Variants in SEPTIN2 observed in about 807,000 individuals in gnomAD.
SEPTIN2 encodes septin-2.
Under a neutral mutation model 46.5 loss-of-function variants are expected in SEPTIN2, and 34 were observed. That is an observed-to-expected ratio of 0.73 (90% CI 0.56 to 0.97). The LOEUF (loss-of-function observed/expected upper bound fraction) is 0.97. Ranked by LOEUF, SEPTIN2 falls within the 50% of genes least tolerant of loss-of-function variation. The pLI is 0.00. For missense variants in SEPTIN2, 347 were observed against 448.4 expected, an observed-to-expected ratio of 0.77 and a Z score of 2.04; for synonymous variants, 175 against 153.4, an observed-to-expected ratio of 1.14 and a Z score of -1.04.
Position 241,346,528 on chromosome 2 carries a change from T to A in SEPTIN2, c.926+279T>A, listed in dbSNP as rs1316062446. 5 of 188,054 alleles carry A rather than the reference T, an allele frequency of 2.7e-5. No individual in the cohort carries two copies. In the East Asian group the frequency reaches 6.5e-4, roughly 25 times the overall value. 11.6% of individuals were successfully genotyped at this position (188,054 alleles called of 1,614,324 possible). A position where few individuals can be genotyped will look rare whatever the true frequency, so the allele number is the denominator to read the frequency against. On this transcript the variant is annotated intron_variant, in intron 10 of 12. Coordinates refer to ENST00000391971, the MANE Select transcript of SEPTIN2 (RefSeq NM_004404.5). ...CTTGGGAGACCAAGGCAAGGTAGAT[T>A]GCCTGAGCGCAGGAGTTTTGAGACC...
intron 7 of SEPTIN2, among the ~76,000 whole-genome samples, chr2:241,341,560 C>T (rs1163730667): frequency 6.6e-6 from 1 of 152,086 alleles, no homozygotes; most frequent in East Asian, 1.9e-4. Flanking sequence ...TCAGTTTCTC[C>T]CAGAGATAAG....
intron 3 of SEPTIN2, among the ~76,000 whole-genome samples, chr2:241,327,308 A>G (rs964528186): frequency 2.0e-5 from 3 of 152,054 alleles, no homozygotes. Flanking sequence ...TGGAACTTCT[A>G]AAGATTAAGA....
rs149450138 is a variant in SEPTIN2 at position 241,335,406 on chromosome 2, G to A, written c.217+194G>A. The A allele has an allele frequency of 8.0e-5, 116 of 1,457,326 alleles. 1 individual carries two copies. In the East Asian group the frequency reaches 2.5e-3, roughly 32 times the overall value. 90.3% of individuals were successfully genotyped at this position (1,457,326 alleles called of 1,614,324 possible). A position where few individuals can be genotyped will look rare whatever the true frequency, so the allele number is the denominator to read the frequency against. ...TTGGGTTGTAGACTTTCTTTGACAC[G>A]TATCCATGGATCCATCCTCTCTTGA... On this transcript the variant is annotated intron_variant, in intron 4 of 12. Transcript: ENST00000391971.
chr2:241,342,889 C>G, intron 7 of SEPTIN2, 103 bp from the exon 8 acceptor site: 3 of 668,232 alleles, frequency 4.5e-6, no homozygotes, highest in Non-Finnish European at 8.0e-6. Flanking sequence ...TGATTATTGA[C>G]ATTTGTATGA....
rs2060852481 is a variant in SEPTIN2, at chr2:241,352,311, C to T, written c.*374C>T. Reference sequence around the variant, plus strand: ...ATTGATGAGCACTCCTGATTTTTATCTAGAACATTCAGATTTACCATAATG... The same window carrying T: ...ATTGATGAGCACTCCTGATTTTTATTTAGAACATTCAGATTTACCATAATG... On this transcript the variant is annotated 3_prime_UTR_variant, in exon 13 of 13. Coordinates refer to ENST00000391971, the MANE Select transcript of SEPTIN2 (RefSeq NM_004404.5). 1 of 152,584 alleles carries T rather than the reference C, an allele frequency of 6.6e-6. No individual in the cohort carries two copies. The highest frequency in any genetic ancestry group is 1.5e-5 in the Non-Finnish European group (1 of 68,026). 9.5% of individuals were successfully genotyped at this position (152,584 alleles called of 1,614,324 possible).
chr2:241,328,400 TTAGTC>T, intron 3 of SEPTIN2, among the ~76,000 whole-genome samples: 1 of 148,150 alleles, frequency 6.7e-6, no homozygotes, highest in East Asian at 2.0e-4. Context: ...CCACAGCACT[TTAGTC>T]TGGCGACAGA....
chr2:241,322,936 T>C lies in SEPTIN2; in HGVS notation c.-17-1280T>C, dbSNP rs559653284. Among the ~76,000 whole-genome samples the C allele has an allele frequency of 3.3e-5, 5 of 152,284 alleles. No homozygotes were observed. The East Asian group carries it at 9.6e-4, about 29-fold the overall frequency. On this transcript the variant is annotated intron_variant, in intron 1 of 12. Transcript: ENST00000391971. Reference sequence around the variant, plus strand: ...ATTTGTGTCCCTAGTGTCTAACATATAGTCAGTACTGAAAAAAAATTTGAA... The same window carrying C: ...ATTTGTGTCCCTAGTGTCTAACATACAGTCAGTACTGAAAAAAAATTTGAA...
intron 7 of SEPTIN2, among the ~76,000 whole-genome samples, chr2:241,338,282 C>T (rs1471481815): frequency 6.6e-6 from 1 of 152,090 alleles, no homozygotes; most frequent in Non-Finnish European, 1.5e-5. Context: ...CCGTGTATGT[C>T]TGTAAAGCCT....
intron 3 of SEPTIN2, among the ~76,000 whole-genome samples, chr2:241,333,408 A>G (rs1172369629): frequency 6.6e-6 from 1 of 152,212 alleles, no homozygotes; most frequent in Non-Finnish European, 1.5e-5. Context: ...TTTTACACTC[A>G]TATTTAGGCA....
chr2:241,333,113 CAA>C (rs1005111108), intron 3 of SEPTIN2, among the ~76,000 whole-genome samples: 1 of 152,134 alleles, frequency 6.6e-6, no homozygotes, highest in African/African-American at 2.4e-5. Flanking sequence ...AATCGTGCCT[CAA>C]AGTGGCTTTA....
At chr2:241,336,138 T>C in intron 5 of SEPTIN2, 40 bp downstream of exon 5, 1 of 1,591,800 alleles carries the variant, frequency 6.3e-7, no homozygotes, top group Non-Finnish European at 8.6e-7. Flanking sequence ...TTTGTTTACT[T>C]AATATACTTC....
intron 3 of SEPTIN2, among the ~76,000 whole-genome samples, chr2:241,329,319 G>A (rs1012274167): frequency 1.1e-4 from 17 of 151,876 alleles, no homozygotes; most frequent in African/African-American, 4.1e-4. Flanking sequence ...TAGTAGAGAC[G>A]GGGTTTCACC....
chr2:241,338,635 T>C (rs1043591653), intron 7 of SEPTIN2, among the ~76,000 whole-genome samples: 11 of 130,172 alleles, frequency 8.5e-5, no homozygotes, highest in African/African-American at 2.9e-4. Flanking sequence ...TTAATAAATA[T>C]ATATAATATA....
intron 7 of SEPTIN2, among the ~76,000 whole-genome samples, chr2:241,340,927 C>T (rs1477661364): frequency 6.6e-6 from 1 of 152,176 alleles, no homozygotes. Context: ...ATCTGCCCTC[C>T]CCATGATCCT....
At chr2:241,339,192 G>A (rs559191149) in intron 7 of SEPTIN2, among the ~76,000 whole-genome samples, 233 of 150,166 alleles carry the variant, frequency 1.6e-3, no homozygotes, top group Non-Finnish European at 2.5e-3. Flanking sequence ...TCAGGAGGTC[G>A]AGACCAGCCT....
intron 12 of SEPTIN2, among the ~76,000 whole-genome samples, chr2:241,350,864 T>G (rs1037975782): frequency 2.6e-5 from 4 of 152,158 alleles, no homozygotes; most frequent in Non-Finnish European, 4.4e-5. Context: ...ACAGGCAGGC[T>G]CTCTGAACTG....
At chr2:241,331,122 T>A (rs929746590) in intron 3 of SEPTIN2, among the ~76,000 whole-genome samples, 4 of 152,110 alleles carry the variant, frequency 2.6e-5, no homozygotes, top group Non-Finnish European at 1.5e-5. Flanking sequence ...GAGGTTTCAG[T>A]GAGCCGAGGT....
intron 7 of SEPTIN2, among the ~76,000 whole-genome samples, chr2:241,339,375 GA>G (rs201090856): frequency 2.4e-3 from 318 of 133,986 alleles, no homozygotes; most frequent in African/African-American, 6.3e-3. Context: ...TCCGTCTCAA[GA>G]AAAAAAAAAA....
intron 1 of SEPTIN2, among the ~76,000 whole-genome samples, chr2:241,322,932 CAT>C (rs1376897655): frequency 6.6e-6 from 1 of 151,926 alleles, no homozygotes. Context: ...TAGTGTCTAA[CAT>C]ATAGTCAGTA....
Sources: gnomAD v4.1 joint callset for allele counts (sites outside exome capture counted in the v4.1 genomes callset) on GRCh38, gnomAD v4.1.1 for gene constraint, MANE v1.5 for transcripts, NCBI Gene and HGNC (gene_info 2026-07-23, HGNC 2026-07-21) for gene names.